LAMA2: variants seen among roughly 807,000 people sequenced by gnomAD.
The protein encoded by LAMA2 is laminin subunit alpha-2.
LAMA2 carries 269 observed loss-of-function variants against 364.8 expected under a neutral mutation model. The ratio of observed to expected loss-of-function variants is 0.74; its 90% CI spans 0.67 to 0.82. The LOEUF is 0.82. Ranked by LOEUF, LAMA2 falls within the 40% of genes least tolerant of loss-of-function variation. LAMA2 has a pLI of 0.00. For missense variants in LAMA2, 3,807 were observed against 3,873.2 expected (o/e 0.98, Z 0.45); for synonymous variants, 1,379 against 1,370.6 (o/e 1.01, Z -0.14).
intron 12 of LAMA2, among the ~76,000 whole-genome samples, chr6:129,215,899 T>G (rs1275479295): frequency 6.6e-6 from 1 of 152,214 alleles, no homozygotes; most frequent in East Asian, 1.9e-4. Context: ...TAAGTGAATC[T>G]GAGGGAAGAT....
intron 28 of LAMA2, among the ~76,000 whole-genome samples, chr6:129,326,755 TTATATA>T (rs896246343): frequency 6.9e-6 from 1 of 144,832 alleles, no homozygotes; most frequent in African/African-American, 2.5e-5. Context: ...TATATATAAT[TTATATA>T]TATAATATAT....
Position 129,168,928 on chromosome 6 carries a change from T to C in LAMA2, c.1306+3253T>C, listed in dbSNP as rs575568097. Among the ~76,000 whole-genome samples the C allele has an allele frequency of 1.6e-4, 25 of 151,870 alleles. No individual in the cohort carries two copies. The East Asian group carries it at 4.7e-3, about 28-fold the overall frequency. ...AGGTATTTTATTCTCTTTGAAGCAA[T>C]TGTGAATGGGAGTTCACTCATGATT... On this transcript the variant is annotated intron_variant, in intron 9 of 64. Transcript: ENST00000421865.
At position 129,173,900 on chromosome 6, in the gene LAMA2, G is replaced by T. The variant is rs956313878; in HGVS notation, c.1307-3806G>T. Among the ~76,000 whole-genome samples, 5 of 152,168 alleles carry T rather than the reference G, an allele frequency of 3.3e-5. No individual in the cohort carries two copies. In the East Asian group the frequency reaches 5.8e-4, roughly 18 times the overall value. ...TAGTTTTCTTCATTTTCTTTTAGTA[G>T]AAGGAAGTTTTCTCCCTTGTAGATT... On this transcript the variant is annotated intron_variant, in intron 9 of 64. Coordinates refer to ENST00000421865, the MANE Select transcript of LAMA2 (RefSeq NM_000426.4).
intron 9 of LAMA2, among the ~76,000 whole-genome samples, chr6:129,173,947 A>T (rs976561306): frequency 3.9e-5 from 6 of 152,172 alleles, no homozygotes; most frequent in African/African-American, 1.4e-4. Flanking sequence ...TTTAAATATT[A>T]AAAACAGTGA....
chr6:129,170,196 T>C (rs1780043636), intron 9 of LAMA2, among the ~76,000 whole-genome samples: 2 of 148,452 alleles, frequency 1.3e-5, no homozygotes, highest in Admixed American at 6.6e-5. Context: ...ATTTCTTGCC[T>C]TCTGCTAGCT....
At chr6:129,081,319 C>T (rs1774042254) in intron 3 of LAMA2, among the ~76,000 whole-genome samples, 1 of 151,960 alleles carries the variant, frequency 6.6e-6, no homozygotes, top group South Asian at 2.1e-4. Flanking sequence ...ATGCAGCACA[C>T]CAACATGGCA....
chr6:128,925,897 C>T (rs1309993877), intron 1 of LAMA2, among the ~76,000 whole-genome samples: 5 of 152,076 alleles, frequency 3.3e-5, no homozygotes, highest in African/African-American at 7.2e-5. Context: ...CCATGAGAAA[C>T]GGAGCAGGGA....
At chr6:129,186,239 CT>C (rs1320937784) in intron 10 of LAMA2, among the ~76,000 whole-genome samples, 1 of 151,502 alleles carries the variant, frequency 6.6e-6, no homozygotes, top group Non-Finnish European at 1.5e-5. Flanking sequence ...ATGTTAATAA[CT>C]TTTTAAAATT....
chr6:129,280,459 T>A (rs992108398), intron 18 of LAMA2, among the ~76,000 whole-genome samples: 5 of 152,180 alleles, frequency 3.3e-5, no homozygotes, highest in African/African-American at 9.6e-5. Context: ...ACTTTAAGAT[T>A]TATCTTACTG....
intron 35 of LAMA2, among the ~76,000 whole-genome samples, chr6:129,387,025 T>A (rs901861484): frequency 6.6e-6 from 1 of 152,074 alleles, no homozygotes; most frequent in Non-Finnish European, 1.5e-5. Flanking sequence ...ATAACAGTAA[T>A]TGCAACAATT....
intron 3 of LAMA2, among the ~76,000 whole-genome samples, chr6:129,061,959 A>G (rs1468040631): frequency 6.6e-6 from 1 of 152,244 alleles, no homozygotes; most frequent in Non-Finnish European, 1.5e-5. Context: ...ATCTCTAAAA[A>G]TGTAATAAAT....
At chr6:129,498,352 G>A (rs1785357448) in intron 58 of LAMA2, among the ~76,000 whole-genome samples, 1 of 152,194 alleles carries the variant, frequency 6.6e-6, no homozygotes, top group African/African-American at 2.4e-5. Context: ...TAAGACCTAA[G>A]TACAGTCAAG....
At chr6:128,975,436 A>C (rs909781118) in intron 1 of LAMA2, among the ~76,000 whole-genome samples, 2 of 152,166 alleles carry the variant, frequency 1.3e-5, no homozygotes, top group African/African-American at 4.8e-5. Flanking sequence ...GCCCTAAATG[A>C]GAAAGTATAT....
intron 52 of LAMA2, 140 bp from the exon 53 acceptor site, chr6:129,475,250 C>T (rs1338350561): frequency 3.5e-6 from 2 of 575,104 alleles, no homozygotes; most frequent in Admixed American, 3.0e-5. Context: ...GGGGCTTTTG[C>T]ATTTCTTTCC....
intron 9 of LAMA2, among the ~76,000 whole-genome samples, chr6:129,176,300 G>A (rs891164405): frequency 7.9e-5 from 12 of 151,680 alleles, no homozygotes; most frequent in Non-Finnish European, 2.9e-5. Flanking sequence ...AATTTTTGTG[G>A]CATTTGATAC....
At chr6:128,899,518 T>C (rs895642900) in intron 1 of LAMA2, among the ~76,000 whole-genome samples, 1 of 152,226 alleles carries the variant, frequency 6.6e-6, no homozygotes, top group African/African-American at 2.4e-5. Context: ...TAGTCTGACA[T>C]ATGGTAGGCA....
chr6:129,307,722 C>T lies in LAMA2; in HGVS notation c.3175-5139C>T, dbSNP rs143028796. On this transcript the variant is annotated intron_variant, in intron 22 of 64. Transcript: ENST00000421865. ...CAAAGAAGAATAAATACTGTAAAAA[C>T]TAAGAAGAGGCTGTTCAAAAGAAGA... Among the ~76,000 whole-genome samples, 9 of 152,260 alleles carry T rather than the reference C, an allele frequency of 5.9e-5. 1 individual carries two copies. In the East Asian group the frequency reaches 1.7e-3, roughly 29 times the overall value.
intron 16 of LAMA2, among the ~76,000 whole-genome samples, chr6:129,268,133 C>G (rs990528001): frequency 1.3e-5 from 2 of 152,088 alleles, no homozygotes; most frequent in South Asian, 2.1e-4. Flanking sequence ...AATGAAAATT[C>G]AGGGCTTTTG....
intron 1 of LAMA2, among the ~76,000 whole-genome samples, chr6:129,036,295 A>G (rs955496947): frequency 6.6e-6 from 1 of 152,168 alleles, no homozygotes; most frequent in African/African-American, 2.4e-5. Flanking sequence ...CAGCAAATTT[A>G]TGGTGTAATC....
Sources: gnomAD v4.1 joint callset for allele counts (sites outside exome capture counted in the v4.1 genomes callset) on GRCh38, gnomAD v4.1.1 for gene constraint, MANE v1.5 for transcripts, NCBI Gene and HGNC (gene_info 2026-07-23, HGNC 2026-07-21) for gene names.